RIPK1: variants seen among roughly 807,000 people sequenced by gnomAD.
RIPK1 encodes receptor interacting serine/threonine kinase 1.
In RIPK1, 27 loss-of-function variants were observed where a neutral mutation model predicts 62.4. That is an observed-to-expected ratio of 0.43 (90% CI 0.32 to 0.60). The LOEUF (loss-of-function observed/expected upper bound fraction) is 0.60. Among genes scored for constraint, RIPK1 ranks in the 20% least tolerant of loss-of-function variants. RIPK1 has a pLI of 0.07. For synonymous variants in RIPK1, 287 were observed against 303.2 expected (o/e 0.95, Z 0.55); for missense variants, 735 against 831.0 (o/e 0.88, Z 1.42).
chr6:3,068,725 C>A, intron 1 of RIPK1, 64 bp downstream of exon 1: 1 of 959,138 alleles, frequency 1.0e-6, no homozygotes, highest in Non-Finnish European at 1.2e-6. Flanking sequence ...CCGGTGACCC[C>A]CCTGGTCGGG....
Position 3,090,884 on chromosome 6 carries a change from GCGCGCCTACCTGCCGCACCT to G in RIPK1, c.915+1228_915+1247del, listed in dbSNP as rs1760042628. On this transcript the variant is annotated intron_variant, in intron 7 of 10. Transcript: ENST00000259808. ...CTACCTGCCGCACCTAGTAACCGCA[GCGCGCCTACCTGCCGCACCT>G]AGTAACCGCAGCGCGCCTACCTGCC... Among the ~76,000 whole-genome samples, 12 of 70,862 alleles carry G rather than the reference GCGCGCCTACCTGCCGCACCT, an allele frequency of 1.7e-4. 2 individuals carry two copies. Among genetic ancestry groups the G allele is most frequent in the Non-Finnish European group, 2.3e-4 (10 of 44,212 alleles). The allele number at this position is 70,862 out of a possible 152,430, so 46.5% of individuals were successfully genotyped here. A position where few individuals can be genotyped will look rare whatever the true frequency, so the allele number is the denominator to read the frequency against.
chr6:3,075,002 A>G (rs971530427), intron 1 of RIPK1, among the ~76,000 whole-genome samples: 1 of 152,356 alleles, frequency 6.6e-6, no homozygotes, highest in African/African-American at 2.4e-5. Flanking sequence ...TTTCTGGAAT[A>G]CAAAACATCC....
intron 10 of RIPK1, among the ~76,000 whole-genome samples, chr6:3,112,558 T>C (rs963654730): frequency 6.6e-6 from 1 of 152,208 alleles, no homozygotes; most frequent in South Asian, 2.1e-4. Context: ...TGAGACAACA[T>C]CCTGCTCTGT....
chr6:3,086,813 A>G (rs1759718349), intron 6 of RIPK1, among the ~76,000 whole-genome samples: 2 of 152,188 alleles, frequency 1.3e-5, no homozygotes, highest in Admixed American at 6.5e-5. Flanking sequence ...CTTGAGCTTA[A>G]TCTCCAGTCC....
upstream of RIPK1, among the ~76,000 whole-genome samples, chr6:3,064,649 G>C (rs1414242798): frequency 3.3e-5 from 5 of 152,146 alleles, no homozygotes; most frequent in African/African-American, 1.2e-4. Context: ...GTGCTGGGGA[G>C]GGTCGCGCCG....
chr6:3,073,343 C>A (rs935967061), intron 1 of RIPK1, among the ~76,000 whole-genome samples: 1 of 151,716 alleles, frequency 6.6e-6, no homozygotes, highest in East Asian at 1.9e-4. Context: ...ATCCTTACCA[C>A]TTCTGTGAGG....
intron 7 of RIPK1, among the ~76,000 whole-genome samples, chr6:3,102,067 A>G (rs1240205360): frequency 6.6e-6 from 1 of 152,218 alleles, no homozygotes; most frequent in Non-Finnish European, 1.5e-5. Context: ...TATTTCACTT[A>G]GCATAATGTT....
At chr6:3,070,717 C>CGA (rs58019975) in intron 1 of RIPK1, among the ~76,000 whole-genome samples, 5,397 of 152,302 alleles carry the variant, frequency 0.035, 333 homozygotes, top group African/African-American at 0.12. Context: ...AGGCATGAGC[C>CGA]CCTGCACCTC....
chr6:3,089,599 G>C lies in RIPK1; in HGVS notation c.857G>C (p.Arg286Thr). The change falls in exon 7 of 11, where the codon AGG becomes ACG. Residue 286 changes from arginine (R) to threonine (T), a missense_variant. Physicochemically the swap from Arg to Thr is moderately conservative, Grantham distance 71. Coordinates refer to ENST00000259808, the MANE Select transcript of RIPK1 (RefSeq NM_001354930.2). ...TTTACAGGCATTGAAGAAAAATTTAGGCCTTTTTATTTAAGTCAATTAGAA... is the reference window on the plus strand; with the variant it reads ...TTTACAGGCATTGAAGAAAAATTTACGCCTTTTTATTTAAGTCAATTAGAA... ...PTFPGIEEKFRPFYLSQLEES... is the reference protein window; with the variant it reads ...PTFPGIEEKFTPFYLSQLEES... 6.4e-7 allele frequency: 1 copy of C among 1,555,074 alleles called. No homozygotes were observed. Among genetic ancestry groups the C allele is most frequent in the Non-Finnish European group, 8.8e-7 (1 of 1,130,496 alleles).
intron 10 of RIPK1, among the ~76,000 whole-genome samples, 167 bp from the exon 11 acceptor site, chr6:3,112,886 G>A (rs564488369): frequency 6.6e-5 from 10 of 152,166 alleles, no homozygotes; most frequent in South Asian, 4.1e-4. Flanking sequence ...TGGGCTAGCA[G>A]GCATGTGAAA....
At chr6:3,099,427 C>G (rs1273558147) in intron 7 of RIPK1, among the ~76,000 whole-genome samples, 1 of 152,104 alleles carries the variant, frequency 6.6e-6, no homozygotes, top group Non-Finnish European at 1.5e-5. Flanking sequence ...ACCTGCAGTC[C>G]CAGCTACTTG....
intron 6 of RIPK1, among the ~76,000 whole-genome samples, chr6:3,089,099 TAGAA>T (rs769160286): frequency 6.6e-6 from 1 of 152,208 alleles, no homozygotes; most frequent in Non-Finnish European, 1.5e-5. Context: ...TTGTTGTACT[TAGAA>T]GGAAGATTAA....
chr6:3,094,731 A>C (rs1760195198), intron 7 of RIPK1, among the ~76,000 whole-genome samples: 2 of 152,064 alleles, frequency 1.3e-5, no homozygotes, highest in Admixed American at 1.3e-4. Flanking sequence ...ACAGCGGATC[A>C]AAAAATCCAA....
chr6:3,088,465 A>G (rs891294467), intron 6 of RIPK1, among the ~76,000 whole-genome samples: 6 of 152,240 alleles, frequency 3.9e-5, no homozygotes, highest in African/African-American at 1.4e-4. Flanking sequence ...GGGCAAATCC[A>G]GGCTATTCTT....
At chr6:3,070,340 C>G (rs936796153) in intron 1 of RIPK1, among the ~76,000 whole-genome samples, 1 of 152,148 alleles carries the variant, frequency 6.6e-6, no homozygotes, top group African/African-American at 2.4e-5. Context: ...TACTTAATTT[C>G]CCATGCTTTA....
At chr6:3,077,707 G>GT in intron 2 of RIPK1, 72 bp from the exon 3 acceptor site, 1 of 1,531,520 alleles carries the variant, frequency 6.5e-7, no homozygotes. Context: ...GGAGTGATGT[G>GT]TTGGAGGTGT....
At chr6:3,067,115 A>G (rs971550685), upstream of RIPK1, among the ~76,000 whole-genome samples, 12 of 91,382 alleles carry the variant, frequency 1.3e-4, no homozygotes, top group Non-Finnish European at 4.2e-5. Context: ...TTAATATTCC[A>G]TTGTATAGAT....
chr6:3,069,380 C>T (rs1561741067), intron 1 of RIPK1, among the ~76,000 whole-genome samples: 1 of 151,872 alleles, frequency 6.6e-6, no homozygotes, highest in East Asian at 1.9e-4. Context: ...TGAAGTGCTG[C>T]GGACCCTCTT....
At chr6:3,073,586 ATGTAGT>A (rs1276657004) in intron 1 of RIPK1, among the ~76,000 whole-genome samples, 1 of 151,686 alleles carries the variant, frequency 6.6e-6, no homozygotes, top group Non-Finnish European at 1.5e-5. Context: ...CGTCCCACCG[ATGTAGT>A]TGTTTCCTGA....
Sources: gnomAD v4.1 joint callset for allele counts (sites outside exome capture counted in the v4.1 genomes callset) on GRCh38, gnomAD v4.1.1 for gene constraint, MANE v1.5 for transcripts, NCBI Gene and HGNC (gene_info 2026-07-23, HGNC 2026-07-21) for gene names.